Variants in CSMD1 observed in about 807,000 individuals in gnomAD.
CSMD1 encodes the protein CUB and Sushi multiple domains 1.
A neutral mutation model predicts 417.5 loss-of-function variants in CSMD1; 213 were observed. That is an observed-to-expected ratio of 0.51 (90% CI 0.46 to 0.57). The LOEUF (loss-of-function observed/expected upper bound fraction) is 0.57, where lower values mean the gene tolerates loss of function less well. CSMD1 is among the 20% of genes least tolerant of loss of function. The probability of loss-of-function intolerance (pLI) is 0.00; values close to 1 mark genes in which losing one functional copy is unlikely to be tolerated. For missense variants in CSMD1, 6,923 were observed against 4,529.7 expected (o/e 1.53, Z -15.17); for synonymous variants, 2,862 against 1,736.8 (o/e 1.65, Z -16.11).
At chr8:4,125,510 G>A (rs7017735) in intron 3 of CSMD1, among the ~76,000 whole-genome samples, 4 of 152,114 alleles carry the variant, frequency 2.6e-5, no homozygotes, top group African/African-American at 9.7e-5. Flanking sequence ...ACGTCGGCCG[G>A]ACCTCCTGAG....
Position 3,205,525 on chromosome 8 carries a change from T to G in CSMD1, c.4963A>C (p.Ile1655Leu). 1 of 1,575,716 alleles carries G rather than the reference T, an allele frequency of 6.3e-7. No individual in the cohort carries two copies. The highest frequency in any genetic ancestry group is 8.7e-7 in the Non-Finnish European group (1 of 1,151,408). The change falls in exon 31 of 70, where the codon ATC becomes CTC. Residue 1655 changes from isoleucine (I) to leucine (L), a missense_variant. By Grantham distance (5) the Ile-to-Leu change is conservative. Coordinates refer to ENST00000635120, the MANE Select transcript of CSMD1 (RefSeq NM_033225.6). ...TTACCGAATTCCTTTGGTACCGTGA[T>G]GGAATAGAGGCATATTTGACCAGCT... ...YTAGQICLYS[I>L]TVPKEFVVFG...
intron 23 of CSMD1, among the ~76,000 whole-genome samples, chr8:3,320,290 C>G (rs1403202178): frequency 6.6e-6 from 1 of 152,102 alleles, no homozygotes; most frequent in Non-Finnish European, 1.5e-5. Context: ...CAAATTCTGT[C>G]CCGGACTCAG....
intron 5 of CSMD1, among the ~76,000 whole-genome samples, chr8:3,844,810 G>A (rs552762383): frequency 3.3e-5 from 5 of 152,130 alleles, no homozygotes; most frequent in African/African-American, 1.2e-4. Context: ...AGAAGAATCA[G>A]AACAGATTTT....
intron 3 of CSMD1, among the ~76,000 whole-genome samples, chr8:4,297,596 T>C (rs991074430): frequency 1.3e-5 from 2 of 152,160 alleles, no homozygotes; most frequent in South Asian, 2.1e-4. Flanking sequence ...TTAAAATTCC[T>C]GTAAGGCTAA....
chr8:4,708,364 T>C (rs561548950), intron 1 of CSMD1, among the ~76,000 whole-genome samples: 5 of 152,324 alleles, frequency 3.3e-5, no homozygotes, highest in South Asian at 2.1e-4. Flanking sequence ...ACAACATCTG[T>C]CTTGTTCATT....
intron 10 of CSMD1, among the ~76,000 whole-genome samples, chr8:3,508,612 A>G (rs925321482): frequency 2.0e-5 from 3 of 152,230 alleles, no homozygotes; most frequent in African/African-American, 7.2e-5. Flanking sequence ...ATGTGTGAGA[A>G]AATTTTAAAA....
Position 3,990,105 on chromosome 8 carries a change from T to C in CSMD1, c.818+7798A>G, listed in dbSNP as rs187444228. Among the ~76,000 whole-genome samples, 3 of 152,330 alleles carry C rather than the reference T, an allele frequency of 2.0e-5. No individual in the cohort carries two copies. In the East Asian group the frequency reaches 5.8e-4, roughly 29 times the overall value. ...ATGGCCCCTCAGAAGGCAGAGTGTT[T>C]TTAAATGAGAAATTTATTTAACAGC... On this transcript the variant is annotated intron_variant, in intron 5 of 69. Coordinates refer to ENST00000635120, the MANE Select transcript of CSMD1 (RefSeq NM_033225.6).
At chr8:3,096,429 C>T (rs1301432660) in intron 47 of CSMD1, among the ~76,000 whole-genome samples, 3 of 152,140 alleles carry the variant, frequency 2.0e-5, no homozygotes, top group Non-Finnish European at 4.4e-5. Flanking sequence ...GGATTTTTCC[C>T]TGCACAAGTT....
intron 2 of CSMD1, among the ~76,000 whole-genome samples, chr8:4,539,066 G>T (rs1365587901): frequency 6.6e-6 from 1 of 152,188 alleles, no homozygotes; most frequent in African/African-American, 2.4e-5. Flanking sequence ...AGAAAAATGT[G>T]TGGCTTTTGT....
intron 2 of CSMD1, among the ~76,000 whole-genome samples, chr8:4,444,024 AACAC>A (rs914465765): frequency 8.5e-5 from 13 of 152,144 alleles, no homozygotes; most frequent in Admixed American, 7.2e-4. Context: ...AAGGAAGGAA[AACAC>A]ACACTATCTT....
chr8:3,982,164 A>AATAATC (rs1813922774), intron 5 of CSMD1, among the ~76,000 whole-genome samples: 1 of 74,872 alleles, frequency 1.3e-5, no homozygotes, highest in African/African-American at 5.1e-5. Context: ...TCTCAAAAAT[A>AATAATC]ATAATAATAA....
chr8:3,824,570 T>C (rs979780727), intron 5 of CSMD1, among the ~76,000 whole-genome samples: 3 of 152,240 alleles, frequency 2.0e-5, no homozygotes, highest in African/African-American at 7.2e-5. Flanking sequence ...AAATACGGAA[T>C]GCATTTCTGT....
chr8:3,579,832 G>A (rs1292173483), intron 9 of CSMD1, among the ~76,000 whole-genome samples: 1 of 152,220 alleles, frequency 6.6e-6, no homozygotes, highest in Admixed American at 6.5e-5. Context: ...AGGCCAGTGT[G>A]GTGGCTCACG....
At chr8:3,889,522 CAT>C (rs533354912) in intron 5 of CSMD1, among the ~76,000 whole-genome samples, 1 of 74,682 alleles carries the variant, frequency 1.3e-5, no homozygotes. Context: ...ATGATATATA[CAT>C]ATATATACAT....
At chr8:4,420,574 G>T (rs1439083851) in intron 2 of CSMD1, among the ~76,000 whole-genome samples, 1 of 152,076 alleles carries the variant, frequency 6.6e-6, no homozygotes, top group Non-Finnish European at 1.5e-5. Context: ...GCATGTGAAT[G>T]TGTGTATAAA....
At chr8:3,881,792 G>C (rs184253614) in intron 5 of CSMD1, among the ~76,000 whole-genome samples, 4 of 152,100 alleles carry the variant, frequency 2.6e-5, no homozygotes, top group African/African-American at 9.7e-5. Flanking sequence ...TGCAAGGAAA[G>C]ACAGCTAAGC....
At chr8:4,305,231 A>C (rs968494040) in intron 3 of CSMD1, among the ~76,000 whole-genome samples, 2 of 152,228 alleles carry the variant, frequency 1.3e-5, no homozygotes, top group Non-Finnish European at 2.9e-5. Context: ...AAGTGCCAGC[A>C]AACTTTGAGG....
chr8:4,872,003 C>T (rs1003463375), intron 1 of CSMD1, among the ~76,000 whole-genome samples: 1 of 152,092 alleles, frequency 6.6e-6, no homozygotes, highest in African/African-American at 2.4e-5. Flanking sequence ...AGAAACACAT[C>T]GTGCTGATCA....
chr8:4,658,678 C>T (rs1804389743), intron 1 of CSMD1, among the ~76,000 whole-genome samples: 1 of 152,052 alleles, frequency 6.6e-6, no homozygotes, highest in South Asian at 2.1e-4. Context: ...AAATTAAAAA[C>T]TACAATCAAA....
Sources: allele counts gnomAD v4.1 joint callset (sites outside exome capture counted in the v4.1 genomes callset), GRCh38; gene constraint gnomAD v4.1.1; transcripts MANE v1.5; gene names NCBI Gene and HGNC (gene_info 2026-07-23, HGNC 2026-07-21).